Variants in PTPRR observed in about 807,000 individuals in gnomAD.
The protein encoded by PTPRR is receptor-type tyrosine-protein phosphatase R.
PTPRR carries 38 observed loss-of-function variants against 77.2 expected under a neutral mutation model. The ratio of observed to expected loss-of-function variants is 0.49; its 90% CI spans 0.38 to 0.65. The LOEUF (loss-of-function observed/expected upper bound fraction) is 0.65. Among genes scored for constraint, PTPRR ranks in the 30% least tolerant of loss-of-function variants. The pLI, the probability that PTPRR is intolerant of heterozygous loss-of-function variation, is 0.00. For synonymous variants in PTPRR, 299 were observed against 283.1 expected (o/e 1.06, Z -0.57); for missense variants, 744 against 799.2 (o/e 0.93, Z 0.83).
intron 2 of PTPRR, among the ~76,000 whole-genome samples, chr12:70,810,745 C>T (rs1310678845): frequency 2.6e-5 from 4 of 152,110 alleles, no homozygotes; most frequent in Admixed American, 2.6e-4. Flanking sequence ...ATGACAATGG[C>T]AATCTCAGTG....
At chr12:70,758,115 T>A (rs1279265364) in intron 4 of PTPRR, among the ~76,000 whole-genome samples, 8 of 152,196 alleles carry the variant, frequency 5.3e-5, no homozygotes, top group Non-Finnish European at 1.0e-4. Flanking sequence ...AAATAATCCC[T>A]CTGTCCTTCA....
chr12:70,746,427 G>A lies in PTPRR; in HGVS notation c.739-341C>T, dbSNP rs76955361. On this transcript the variant is annotated intron_variant, in intron 5 of 13. Coordinates refer to ENST00000283228, the MANE Select transcript of PTPRR (RefSeq NM_002849.4). The stretch of plus-strand genomic sequence containing the variant: ...TGGTAGGCTTACAGAAGGAATAACC[G>A]TAAAACACACGTCTATGACATTTAT... Among the ~76,000 whole-genome samples, 599 of 152,216 alleles carry A rather than the reference G, an allele frequency of 3.9e-3. 3 individuals are homozygous for A. The highest frequency in any genetic ancestry group is 0.012 in the African/African-American group (512 of 41,520).
chr12:70,852,456 G>C (rs79660350), intron 2 of PTPRR, among the ~76,000 whole-genome samples: 6,650 of 152,244 alleles, frequency 0.044, 198 homozygotes, highest in Non-Finnish European at 0.065. Context: ...GTAGCATGCT[G>C]TTTTCCTGAT....
At chr12:70,868,941 A>C (rs28569431) in intron 2 of PTPRR, among the ~76,000 whole-genome samples, 6,318 of 149,348 alleles carry the variant, frequency 0.042, 443 homozygotes, top group African/African-American at 0.15. Flanking sequence ...AGGACAAAAA[A>C]CCAAACACCG....
At chr12:70,769,975 G>C (rs1302266702) in intron 2 of PTPRR, among the ~76,000 whole-genome samples, 2 of 152,082 alleles carry the variant, frequency 1.3e-5, no homozygotes, top group African/African-American at 4.8e-5. Flanking sequence ...GCTGAAACTG[G>C]ATCCCTTCCT....
intron 2 of PTPRR, among the ~76,000 whole-genome samples, chr12:70,822,951 C>T (rs1489315766): frequency 2.6e-4 from 39 of 151,908 alleles, no homozygotes; most frequent in Non-Finnish European, 4.4e-5. Context: ...GGGTAGAACC[C>T]TTTCCTCTAA....
intron 2 of PTPRR, among the ~76,000 whole-genome samples, chr12:70,832,795 A>G (rs1892237158): frequency 6.6e-6 from 1 of 152,104 alleles, no homozygotes; most frequent in South Asian, 2.1e-4. Context: ...CAGGCTGTAC[A>G]AGCATGGACC....
chr12:70,694,423 T>C (rs1216132547), intron 8 of PTPRR, among the ~76,000 whole-genome samples: 2 of 151,890 alleles, frequency 1.3e-5, no homozygotes, highest in African/African-American at 2.4e-5. Context: ...CAACAGTGGA[T>C]TGGATAAAGA....
intron 2 of PTPRR, among the ~76,000 whole-genome samples, chr12:70,853,471 A>G (rs1297117093): frequency 6.6e-6 from 1 of 152,248 alleles, no homozygotes; most frequent in Non-Finnish European, 1.5e-5. Context: ...CTTAATGGAC[A>G]TTGCTTAATG....
intron 2 of PTPRR, among the ~76,000 whole-genome samples, chr12:70,868,324 C>A (rs891070076): frequency 3.4e-5 from 5 of 148,432 alleles, no homozygotes; most frequent in African/African-American, 1.3e-4. Context: ...CTACAATGAA[C>A]TCAAACAAAT....
chr12:70,775,647 C>T (rs956883651), intron 2 of PTPRR, among the ~76,000 whole-genome samples: 2 of 152,302 alleles, frequency 1.3e-5, no homozygotes, highest in Admixed American at 1.3e-4. Flanking sequence ...GTCCATCTTT[C>T]TTCCTAAGAG....
chr12:70,780,410 C>A (rs1011270456), intron 2 of PTPRR, among the ~76,000 whole-genome samples: 4 of 151,724 alleles, frequency 2.6e-5, no homozygotes, highest in African/African-American at 9.7e-5. Context: ...TTAAAATTTA[C>A]CTTTCTAATT....
At chr12:70,753,707 G>A (rs1890475235) in intron 5 of PTPRR, among the ~76,000 whole-genome samples, 1 of 151,968 alleles carries the variant, frequency 6.6e-6, no homozygotes, top group African/African-American at 2.4e-5. Context: ...AGCCTTTGAG[G>A]GTATAATCAT....
chr12:70,718,705 T>C (rs1889128961), intron 6 of PTPRR, among the ~76,000 whole-genome samples: 1 of 152,232 alleles, frequency 6.6e-6, no homozygotes, highest in South Asian at 2.1e-4. Context: ...ATGCTAAAAA[T>C]AGTTTTCAAC....
intron 8 of PTPRR, among the ~76,000 whole-genome samples, chr12:70,689,083 G>A (rs1461917435): frequency 6.6e-6 from 1 of 151,968 alleles, no homozygotes; most frequent in East Asian, 1.9e-4. Flanking sequence ...ATTTCAGTTA[G>A]GAGAAATAGG....
At chr12:70,670,235 C>T (rs941767668) in intron 10 of PTPRR, among the ~76,000 whole-genome samples, 5 of 152,188 alleles carry the variant, frequency 3.3e-5, no homozygotes, top group African/African-American at 1.2e-4. Flanking sequence ...AATTCCTTCA[C>T]TTCATGAAAG....
intron 2 of PTPRR, among the ~76,000 whole-genome samples, chr12:70,869,196 T>TA (rs952791142): frequency 2.2e-4 from 34 of 151,602 alleles, no homozygotes; most frequent in African/African-American, 4.1e-4. Flanking sequence ...ATAATAAAAT[T>TA]AAAAAAAATA....
rs971670111 is a variant in PTPRR, at chr12:70,774,791, G to C, written c.358-10013C>G. On this transcript the variant is annotated intron_variant, in intron 2 of 13. Transcript: ENST00000283228. ...AAGAAAGGATTCTAGATAAAAATGG[G>C]AATTTTATTTCAGACAAAATAAAAA... 1.1e-4 allele frequency among the ~76,000 whole-genome samples: 17 copies of C among 152,196 alleles called. No individual in the cohort carries two copies. In the South Asian group the frequency reaches 3.5e-3, roughly 32 times the overall value.
intron 2 of PTPRR, among the ~76,000 whole-genome samples, chr12:70,883,455 A>T (rs957035324): frequency 2.0e-5 from 3 of 152,134 alleles, no homozygotes; most frequent in African/African-American, 7.2e-5. Flanking sequence ...TAACAATAAC[A>T]ATATCTTCAC....
Sources: gnomAD v4.1 joint callset for allele counts (sites outside exome capture counted in the v4.1 genomes callset) on GRCh38, gnomAD v4.1.1 for gene constraint, MANE v1.5 for transcripts, NCBI Gene and HGNC (gene_info 2026-07-23, HGNC 2026-07-21) for gene names.